Variants in PNLIPRP3 observed in about 807,000 individuals in gnomAD.
PNLIPRP3 encodes pancreatic lipase-related protein 3.
PNLIPRP3 carries 58 observed loss-of-function variants against 52.8 expected under a neutral mutation model. The observed-to-expected ratio is 1.10, with a 90% CI of 0.89 to 1.37. The LOEUF is 1.37. PNLIPRP3 is among the 40% of genes most tolerant of loss of function. PNLIPRP3 has a pLI of 0.00. For missense variants in PNLIPRP3, 593 were observed against 561.6 expected, an observed-to-expected ratio of 1.06 and a Z score of -0.57; for synonymous variants, 192 against 185.0, an observed-to-expected ratio of 1.04 and a Z score of -0.31.
At chr10:116,433,114 C>CA (rs71010080) in intron 1 of PNLIPRP3, among the ~76,000 whole-genome samples, 94 of 8,500 alleles carry the variant, frequency 0.011, 40 homozygotes, top group East Asian at 0.042. Flanking sequence ...AACTCCATCT[C>CA]AAAAAAAAAA....
chr10:116,432,071 A>G (rs1043712124), intron 1 of PNLIPRP3, among the ~76,000 whole-genome samples: 2 of 152,036 alleles, frequency 1.3e-5, no homozygotes, highest in South Asian at 2.1e-4. Flanking sequence ...TGAAAAACGT[A>G]TTCTTATTTA....
intron 5 of PNLIPRP3, among the ~76,000 whole-genome samples, chr10:116,457,634 C>A (rs1480948630): frequency 6.6e-6 from 1 of 152,000 alleles, no homozygotes; most frequent in Non-Finnish European, 1.5e-5. Flanking sequence ...TTATGTGACC[C>A]TTTGTGGTCA....
intron 7 of PNLIPRP3, among the ~76,000 whole-genome samples, chr10:116,465,240 G>A (rs979342692): frequency 2.0e-5 from 3 of 152,016 alleles, no homozygotes; most frequent in African/African-American, 7.3e-5. Context: ...CATTAGATTG[G>A]TTAAAAAACC....
Position 116,443,116 on chromosome 10 carries a change from C to T in PNLIPRP3, c.266C>T (p.Thr89Ile), listed in dbSNP as rs1435488280. Reference protein sequence around the residue: ...QASYFGTDKITRINIAGWKTD... With the variant: ...QASYFGTDKIIRINIAGWKTD... ...TCATATTTTGGAACAGACAAGATCA[C>T]CCGTATCAACATAGCTGGATGGAAA... Residue 89 changes from threonine to isoleucine, a missense_variant, in exon 3 of 12, where the codon ACC becomes ATC. By Grantham distance (89) the Thr-to-Ile change is moderately conservative (BLOSUM62 -1). Transcript: ENST00000369230. 4 of 1,611,744 alleles carry T rather than the reference C, an allele frequency of 2.5e-6. No individual in the cohort carries two copies. The highest frequency in any genetic ancestry group is 3.3e-5 in the Admixed American group (2 of 59,940).
intron 5 of PNLIPRP3, among the ~76,000 whole-genome samples, chr10:116,456,288 T>C (rs148586921): frequency 6.6e-6 from 1 of 152,290 alleles, no homozygotes; most frequent in East Asian, 1.9e-4. Context: ...AAATTACAGT[T>C]AACAATAATT....
chr10:116,438,940 C>T (rs1326874414), intron 2 of PNLIPRP3, among the ~76,000 whole-genome samples: 3 of 152,164 alleles, frequency 2.0e-5, no homozygotes, highest in Non-Finnish European at 4.4e-5. Context: ...CATAATATAA[C>T]ATGGATGACC....
intron 4 of PNLIPRP3, among the ~76,000 whole-genome samples, chr10:116,453,943 C>T (rs1846075122): frequency 6.6e-6 from 1 of 152,074 alleles, no homozygotes; most frequent in South Asian, 2.1e-4. Flanking sequence ...CCTTGTCCCC[C>T]ACCCCCAACA....
rs964621026 is a variant in PNLIPRP3 at position 116,444,615 on chromosome 10, G to C, written c.456+102G>C. ...TGTCTTTTTTTATTAGCTTAGACAG[G>C]TACTGAACATGTGAAATAATAAGCA... On this transcript the variant is annotated intron_variant, in intron 4 of 11. Coordinates refer to ENST00000369230, the MANE Select transcript of PNLIPRP3 (RefSeq NM_001011709.3). 3 of 1,155,346 alleles carry C rather than the reference G, an allele frequency of 2.6e-6. No individual in the cohort carries two copies. The African/African-American group carries it at 4.7e-5, about 18-fold the overall frequency. 71.6% of individuals were successfully genotyped at this position (1,155,346 alleles called of 1,614,324 possible).
intron 8 of PNLIPRP3, among the ~76,000 whole-genome samples, chr10:116,467,723 T>C (rs1045082035): frequency 2.0e-5 from 3 of 152,182 alleles, no homozygotes; most frequent in Non-Finnish European, 2.9e-5. Flanking sequence ...ATTTGAAATT[T>C]ACATTGATGT....
At chr10:116,440,829 T>C (rs111361869) in intron 2 of PNLIPRP3, among the ~76,000 whole-genome samples, 48 of 152,202 alleles carry the variant, frequency 3.2e-4, no homozygotes, top group Non-Finnish European at 6.0e-4. Context: ...AGTTTCTGTG[T>C]CTGCAGCTTT....
intron 4 of PNLIPRP3, among the ~76,000 whole-genome samples, chr10:116,451,019 C>A (rs1374261569): frequency 6.6e-6 from 1 of 152,046 alleles, no homozygotes; most frequent in African/African-American, 2.4e-5. Flanking sequence ...AAGCTGGAAT[C>A]ATCACAGTTC....
At chr10:116,448,564 T>A (rs1407756690) in intron 4 of PNLIPRP3, among the ~76,000 whole-genome samples, 1 of 152,142 alleles carries the variant, frequency 6.6e-6, no homozygotes, top group Non-Finnish European at 1.5e-5. Flanking sequence ...ATGGTAATAG[T>A]GGTCCGATGT....
At chr10:116,462,047 C>T (rs1846199765) in intron 7 of PNLIPRP3, among the ~76,000 whole-genome samples, 1 of 152,116 alleles carries the variant, frequency 6.6e-6, no homozygotes, top group South Asian at 2.1e-4. Flanking sequence ...TAAGCTTTCA[C>T]TCAAATGAGA....
chr10:116,443,500 T>C (rs1200579403), intron 3 of PNLIPRP3, among the ~76,000 whole-genome samples: 18 of 151,476 alleles, frequency 1.2e-4, no homozygotes, highest in Admixed American at 6.6e-4. Flanking sequence ...TTCTCTCCTA[T>C]ACTTAAGATT....
intron 4 of PNLIPRP3, among the ~76,000 whole-genome samples, chr10:116,445,878 C>T (rs1741494416): frequency 6.6e-6 from 1 of 152,030 alleles, no homozygotes; most frequent in Non-Finnish European, 1.5e-5. Context: ...CATCTCATCA[C>T]AAGTTACTAG....
intron 5 of PNLIPRP3, 149 bp from the exon 6 acceptor site, chr10:116,460,817 A>C: frequency 9.3e-7 from 1 of 1,069,704 alleles, no homozygotes; most frequent in Admixed American, 2.8e-5. Flanking sequence ...TAGAGACCCT[A>C]CATTTATAGA....
At chr10:116,432,834 G>A (rs1845725641) in intron 1 of PNLIPRP3, among the ~76,000 whole-genome samples, 1 of 151,776 alleles carries the variant, frequency 6.6e-6, no homozygotes, top group Admixed American at 6.6e-5. Flanking sequence ...TCTTGGAGTG[G>A]CCAGGCACGG....
intron 9 of PNLIPRP3, among the ~76,000 whole-genome samples, chr10:116,470,868 C>T (rs1846359726): frequency 6.6e-6 from 1 of 152,002 alleles, no homozygotes; most frequent in African/African-American, 2.4e-5. Flanking sequence ...TTGTCTATTT[C>T]CTTTGTATTG....
rs773982192 is a variant in PNLIPRP3, at chr10:116,466,047, C to T, written c.809-3C>T. ...ATCAGTTAATTGGGAATTGTTTTCACAGAAATGGCTTCCTTCTTTGACTGT... is the reference window on the plus strand; with the variant it reads ...ATCAGTTAATTGGGAATTGTTTTCATAGAAATGGCTTCCTTCTTTGACTGT... On this transcript the variant is annotated splice_region_variant and splice_polypyrimidine_tract_variant and intron_variant, in intron 7 of 11. Coordinates refer to ENST00000369230, the MANE Select transcript of PNLIPRP3 (RefSeq NM_001011709.3). 16 of 1,604,228 alleles carry T rather than the reference C, an allele frequency of 1.0e-5. No homozygotes were observed. The African/African-American group carries it at 2.1e-4, about 21-fold the overall frequency.
Sources: gnomAD v4.1 joint callset for allele counts (sites outside exome capture counted in the v4.1 genomes callset) on GRCh38, gnomAD v4.1.1 for gene constraint, MANE v1.5 for transcripts, NCBI Gene and HGNC (gene_info 2026-07-23, HGNC 2026-07-21) for gene names.